Variants in CCDC77 observed in about 807,000 individuals in gnomAD.
The protein encoded by CCDC77 is coiled-coil domain containing 77, also known as coiled-coil domain-containing protein 77.
Under a neutral mutation model 66.8 loss-of-function variants are expected in CCDC77, and 56 were observed. That is an observed-to-expected ratio of 0.84 (90% confidence interval 0.68 to 1.05). The LOEUF (loss-of-function observed/expected upper bound fraction) is 1.05. CCDC77 is among the 50% of genes least tolerant of loss of function. The pLI is 0.00. For synonymous variants in CCDC77, 196 were observed against 195.2 expected, an observed-to-expected ratio of 1.00 and a Z score of -0.03; for missense variants, 570 against 576.8, an observed-to-expected ratio of 0.99 and a Z score of 0.12.
At chr12:431,278 G>A (rs2137605128) in intron 7 of CCDC77, among the ~76,000 whole-genome samples, 1 of 150,524 alleles carries the variant, frequency 6.6e-6, no homozygotes, top group Non-Finnish European at 1.5e-5. Flanking sequence ...GAGTGCAATG[G>A]CGCGATCTTG....
chr12:392,658 T>A lies in CCDC77; in HGVS notation c.-113+3172T>A, dbSNP rs184951261. Among the ~76,000 whole-genome samples the A allele has an allele frequency of 4.3e-3, 657 of 151,982 alleles. 6 individuals are homozygous for A. Among genetic ancestry groups the A allele is most frequent in the Middle Eastern group, 0.02 (6 of 294 alleles). ...TACTTAGGAGGCTGAGGCAGGAGAA[T>A]CGCTTGAACCTGGGTGGCGGAGGTT... On this transcript the variant is annotated intron_variant, in intron 1 of 11. Transcript: ENST00000422000.
chr12:408,641 A>G (rs903087928), intron 2 of CCDC77, among the ~76,000 whole-genome samples: 3 of 152,110 alleles, frequency 2.0e-5, no homozygotes, highest in East Asian at 1.9e-4. Context: ...AGCAGGGACT[A>G]TAGGTACGGG....
intron 5 of CCDC77, among the ~76,000 whole-genome samples, chr12:420,419 TA>T (rs1222037238): frequency 6.9e-5 from 2 of 28,838 alleles, no homozygotes; most frequent in East Asian, 2.2e-3. Flanking sequence ...AGTGAGAGGG[TA>T]AAATACACAT....
At chr12:416,377 GTATATATATATATA>G (rs1167006549) in intron 4 of CCDC77, among the ~76,000 whole-genome samples, 24 of 20,590 alleles carry the variant, frequency 1.2e-3, no homozygotes, top group Non-Finnish European at 1.7e-3. Context: ...GTGTGTGTGT[GTATATATATATATA>G]TATATATATA....
At position 416,659 on chromosome 12, in the gene CCDC77, C is replaced by A. The variant is rs188213486; in HGVS notation, c.271-1835C>A. Among the ~76,000 whole-genome samples the A allele has an allele frequency of 2.4e-3, 365 of 151,124 alleles. 1 individual carries two copies. The highest frequency in any genetic ancestry group is 6.8e-3 in the Middle Eastern group (2 of 292). ...GAACTCGTGGCCTCAAGTGATCTGC[C>A]ACGCCTGGCGTGTTAAGTATATTCA... On this transcript the variant is annotated intron_variant, in intron 4 of 12. Transcript: ENST00000239830.
At chr12:428,186 C>T in intron 5 of CCDC77, among the ~76,000 whole-genome samples, 1 of 152,182 alleles carries the variant, frequency 6.6e-6, no homozygotes, top group Middle Eastern at 3.4e-3. Context: ...TGAGCAGTAA[C>T]CCTCAGCAGC....
intron 5 of CCDC77, among the ~76,000 whole-genome samples, chr12:425,334 A>G (rs1945507640): frequency 7.5e-6 from 1 of 133,246 alleles, no homozygotes; most frequent in Non-Finnish European, 1.5e-5. Flanking sequence ...TCTCAGCTGT[A>G]GACAGCATGG....
intron 5 of CCDC77, among the ~76,000 whole-genome samples, chr12:427,118 G>C (rs1057182928): frequency 6.6e-6 from 1 of 152,022 alleles, no homozygotes; most frequent in Non-Finnish European, 1.5e-5. Flanking sequence ...TGTGGCATGC[G>C]CCTGTAGTCC....
At chr12:429,869 A>G (rs989868162) in intron 6 of CCDC77, among the ~76,000 whole-genome samples, 2 of 151,718 alleles carry the variant, frequency 1.3e-5, no homozygotes, top group Non-Finnish European at 2.9e-5. Flanking sequence ...CCATCCTTCC[A>G]CTGTAGCCAG....
chr12:424,870 A>G (rs2137588497), intron 5 of CCDC77, among the ~76,000 whole-genome samples: 1 of 150,472 alleles, frequency 6.6e-6, no homozygotes. Context: ...GTGGATGTCC[A>G]GTTTTCTCAA....
In CCDC77 at chr12:438,515, T is replaced by TA. The variant is rs1346434383; in HGVS notation, c.1003dup (p.Met335AsnfsTer3). On this transcript the variant is annotated frameshift_variant, in exon 10 of 13. Coordinates refer to ENST00000239830, the MANE Select transcript of CCDC77 (RefSeq NM_032358.4). LOFTEE classifies it high-confidence loss of function. Reference sequence around the variant, plus strand: ...ATAAAATTGGAAAAGTGTTGCCCGTTATGCATGAGAGTCACCATGCTCAAA... The same window carrying TA: ...ATAAAATTGGAAAAGTGTTGCCCGTTAATGCATGAGAGTCACCATGCTCAAA... The TA allele has an allele frequency of 2.5e-6, 4 of 1,613,830 alleles. No homozygotes were observed. The highest frequency in any genetic ancestry group is 2.2e-5 in the East Asian group (1 of 44,882).
intron 5 of CCDC77, among the ~76,000 whole-genome samples, chr12:422,313 T>C (rs1268549223): frequency 6.6e-6 from 1 of 152,248 alleles, no homozygotes. Context: ...ATCTGAAGTG[T>C]ACGGTTCAGT....
intron 4 of CCDC77, among the ~76,000 whole-genome samples, chr12:417,302 T>C (rs1047143890): frequency 1.3e-5 from 2 of 152,146 alleles, no homozygotes; most frequent in African/African-American, 4.8e-5. Flanking sequence ...GGCTCTCTCA[T>C]GGTTCTTATT....
chr12:403,167 G>C (rs1283374775), intron 1 of CCDC77, among the ~76,000 whole-genome samples: 1 of 152,152 alleles, frequency 6.6e-6, no homozygotes, highest in African/African-American at 2.4e-5. Context: ...TGTTTTAGAT[G>C]ACAGAGTTAA....
chr12:416,054 G>A (rs1945250304), intron 4 of CCDC77, among the ~76,000 whole-genome samples: 2 of 151,462 alleles, frequency 1.3e-5, no homozygotes, highest in African/African-American at 4.8e-5. Context: ...GACCCATCTG[G>A]CTCGGCCTCC....
At chr12:439,288 G>A (rs912230953) in intron 10 of CCDC77, among the ~76,000 whole-genome samples, 5 of 151,990 alleles carry the variant, frequency 3.3e-5, no homozygotes, top group Non-Finnish European at 1.5e-5. Flanking sequence ...GGGAGGCCAA[G>A]GCGGGTGGAT....
chr12:405,758 A>G (rs1041520477), intron 2 of CCDC77, among the ~76,000 whole-genome samples, 194 bp downstream of exon 2: 3 of 152,122 alleles, frequency 2.0e-5, no homozygotes, highest in Non-Finnish European at 2.9e-5. Flanking sequence ...TGAGAGTTGT[A>G]TATATATACA....
chr12:417,743 G>C (rs1020852363), intron 4 of CCDC77, among the ~76,000 whole-genome samples: 1 of 151,962 alleles, frequency 6.6e-6, no homozygotes, highest in African/African-American at 2.4e-5. Context: ...GTGAAACCCC[G>C]TCTCTACTAA....
At chr12:397,342 G>C (rs918074144), upstream of CCDC77, among the ~76,000 whole-genome samples, 15 of 152,114 alleles carry the variant, frequency 9.9e-5, no homozygotes, top group African/African-American at 3.6e-4. Context: ...AAAAATTGCA[G>C]GGGCTAAAAG....
Sources: gnomAD v4.1 joint callset for allele counts (sites outside exome capture counted in the v4.1 genomes callset) on GRCh38, gnomAD v4.1.1 for gene constraint, MANE v1.5 for transcripts, NCBI Gene and HGNC (gene_info 2026-07-23, HGNC 2026-07-21) for gene names.